Variants in AGPAT3 observed in about 807,000 individuals in gnomAD.
The protein encoded by AGPAT3 is 1-acylglycerol-3-phosphate O-acyltransferase 3.
AGPAT3 carries 5 observed loss-of-function variants against 47.3 expected under a neutral mutation model. The observed-to-expected ratio is 0.11, with a 90% CI of 0.06 to 0.22. The LOEUF is 0.22. Ranked by LOEUF, AGPAT3 falls within the 10% of genes least tolerant of loss-of-function variation. The probability of loss-of-function intolerance (pLI) is 1.00; values close to 1 mark genes in which losing one functional copy is unlikely to be tolerated. For synonymous variants in AGPAT3, 212 were observed against 208.3 expected, an observed-to-expected ratio of 1.02 and a Z score of -0.15; for missense variants, 315 against 493.0, an observed-to-expected ratio of 0.64 and a Z score of 3.42.
In AGPAT3 at chr21:43,955,372, G is replaced by A. The variant is rs550271181; in HGVS notation, c.-48-4262G>A. ...GGCTTAGCTTGTCAACACCCATAAC[G>A]CTATGCACGGACACTCGGCAAACCC... On this transcript the variant is annotated intron_variant, in intron 2 of 9. Transcript: ENST00000291572. This position sits in a 1 kb window ranked among gnomAD's most constrained non-coding sequence, Gnocchi z 4.1. The A allele has an allele frequency of 3.4e-5, 13 of 383,014 alleles. No homozygotes were observed. Among genetic ancestry groups the A allele is most frequent in the South Asian group, 7.3e-5 (2 of 27,464 alleles). 23.7% of individuals were successfully genotyped at this position (383,014 alleles called of 1,614,324 possible).
intron 2 of AGPAT3, among the ~76,000 whole-genome samples, chr21:43,904,886 C>T (rs2086452035): frequency 5.3e-5 from 8 of 152,164 alleles, no homozygotes. Flanking sequence ...TGTTCCAAGG[C>T]TTCCAGGTGT....
intron 1 of AGPAT3, among the ~76,000 whole-genome samples, chr21:43,896,935 G>T (rs2145969978): frequency 1.8e-5 from 2 of 112,502 alleles, no homozygotes; most frequent in Non-Finnish European, 1.8e-5. Flanking sequence ...ATTGAAGTTT[G>T]ACAGTCCGTT....
intron 2 of AGPAT3, among the ~76,000 whole-genome samples, chr21:43,938,095 C>G (rs1362602554): frequency 7.0e-6 from 1 of 143,510 alleles, no homozygotes; most frequent in Non-Finnish European, 1.5e-5. Flanking sequence ...TTCTCTCTCT[C>G]TCTCTCTCTC....
intron 7 of AGPAT3, among the ~76,000 whole-genome samples, chr21:43,975,041 G>A (rs542358594): frequency 6.6e-6 from 1 of 152,110 alleles, no homozygotes; most frequent in African/African-American, 2.4e-5. Context: ...TTGCTGATGT[G>A]TGTGTTGTGC....
intron 2 of AGPAT3, among the ~76,000 whole-genome samples, chr21:43,905,099 C>T (rs1401688331): frequency 6.6e-6 from 1 of 151,928 alleles, no homozygotes; most frequent in Non-Finnish European, 1.5e-5. Context: ...GTGCTGAATG[C>T]CTCCATAGTT....
intron 1 of AGPAT3, among the ~76,000 whole-genome samples, chr21:43,895,824 T>A (rs1339632621): frequency 6.6e-6 from 1 of 152,182 alleles, no homozygotes; most frequent in African/African-American, 2.4e-5. Context: ...CGGAGTGCAA[T>A]GGCACAGTCT....
chr21:43,883,302 T>G (rs1239398431), intron 1 of AGPAT3, among the ~76,000 whole-genome samples: 1 of 152,228 alleles, frequency 6.6e-6, no homozygotes, highest in Non-Finnish European at 1.5e-5. Flanking sequence ...TGCTGTGGCC[T>G]CCTGCCCACT....
At chr21:43,926,912 G>A (rs2087073700) in intron 2 of AGPAT3, among the ~76,000 whole-genome samples, 1 of 150,248 alleles carries the variant, frequency 6.7e-6, no homozygotes, top group Admixed American at 6.6e-5. Flanking sequence ...CCAGGAGGTG[G>A]AGGTTGCAGT....
intron 8 of AGPAT3, among the ~76,000 whole-genome samples, chr21:43,979,563 T>C (rs2089766970): frequency 6.6e-6 from 1 of 152,090 alleles, no homozygotes; most frequent in Non-Finnish European, 1.5e-5. Context: ...CCTCTAAGAA[T>C]TGGACCCTCA....
In AGPAT3 at chr21:43,981,056, G is replaced by T; in HGVS notation, c.911G>T (p.Arg304Met). The change falls in exon 9 of 10, where the codon AGG (arginine) becomes ATG (methionine). Residue 304 changes from arginine to methionine, a missense_variant. Arg to Met is a moderately conservative substitution (Grantham distance 91, BLOSUM62 -1). Coordinates refer to ENST00000291572, the MANE Select transcript of AGPAT3 (RefSeq NM_020132.5). This position sits in a 1 kb window ranked among gnomAD's most constrained non-coding sequence, Gnocchi z 5.3. ...FPGEQFKPAR[R>M]PWTLLNFLSW... The stretch of plus-strand genomic sequence containing the variant: ...GGGGAGCAGTTTAAGCCTGCCCGGA[G>T]GCCGTGGACCCTCCTGAACTTCCTG... 1 of 1,614,200 alleles carries T rather than the reference G, an allele frequency of 6.2e-7. No individual in the cohort carries two copies. The highest frequency in any genetic ancestry group is 8.5e-7 in the Non-Finnish European group (1 of 1,180,038).
At chr21:43,901,705 G>A (rs2086361747) in intron 1 of AGPAT3, among the ~76,000 whole-genome samples, 1 of 151,664 alleles carries the variant, frequency 6.6e-6, no homozygotes, top group Non-Finnish European at 1.5e-5. Flanking sequence ...GCCCAGGAAG[G>A]TTGAGGCTGC....
intron 3 of AGPAT3, 42 bp downstream of exon 3, chr21:43,959,901 G>C: frequency 6.4e-7 from 1 of 1,559,790 alleles, no homozygotes; most frequent in South Asian, 1.1e-5. Context: ...TGGGGCTCCC[G>C]TGGGGGTGGC....
intron 1 of AGPAT3, among the ~76,000 whole-genome samples, chr21:43,877,844 C>T (rs1463495420): frequency 6.6e-6 from 1 of 152,136 alleles, no homozygotes; most frequent in African/African-American, 2.4e-5. Flanking sequence ...TATCTTCTGT[C>T]TCCACTGGTG....
chr21:43,913,736 C>T (rs1185353456), intron 2 of AGPAT3, among the ~76,000 whole-genome samples: 1 of 152,142 alleles, frequency 6.6e-6, no homozygotes, highest in East Asian at 1.9e-4. Context: ...ACAGTCACTC[C>T]TGCATCAAAT....
At chr21:43,886,881 T>G (rs1366428857) in intron 1 of AGPAT3, among the ~76,000 whole-genome samples, 4 of 152,234 alleles carry the variant, frequency 2.6e-5, no homozygotes, top group Non-Finnish European at 4.4e-5. Context: ...AAATCTTGGT[T>G]CTTATGAACA....
chr21:43,911,313 T>C (rs2086627920), intron 2 of AGPAT3, among the ~76,000 whole-genome samples: 1 of 152,218 alleles, frequency 6.6e-6, no homozygotes, highest in African/African-American at 2.4e-5. Flanking sequence ...AGTTACCTGA[T>C]TATCAGTCTA....
intron 2 of AGPAT3, among the ~76,000 whole-genome samples, chr21:43,942,129 G>A (rs1291540170): frequency 6.6e-6 from 1 of 152,274 alleles, no homozygotes; most frequent in Admixed American, 6.5e-5. Flanking sequence ...ACCCACAGGT[G>A]CCATTTAGTG....
rs369984529 is a variant in AGPAT3, at chr21:43,982,895, G to C, written c.*503G>C. Reference sequence around the variant, plus strand: ...CTCAGCACCTTGGCTCCCAGTGGGGGCCCCGTGGAGGGCGCCCGTAGTGAT... The same window carrying C: ...CTCAGCACCTTGGCTCCCAGTGGGGCCCCCGTGGAGGGCGCCCGTAGTGAT... On this transcript the variant is annotated 3_prime_UTR_variant, in exon 10 of 10. Transcript: ENST00000291572. This position sits in a 1 kb window ranked among gnomAD's most constrained non-coding sequence, Gnocchi z 6.2. 2 of 155,206 alleles carry C rather than the reference G, an allele frequency of 1.3e-5. No individual in the cohort carries two copies. The highest frequency in any genetic ancestry group is 2.8e-5 in the Non-Finnish European group (2 of 70,386). 9.6% of individuals were successfully genotyped at this position (155,206 alleles called of 1,614,324 possible). A position where few individuals can be genotyped will look rare whatever the true frequency, so the allele number is the denominator to read the frequency against.
At chr21:43,956,043 C>T (rs2088443597) in intron 2 of AGPAT3, among the ~76,000 whole-genome samples, 1 of 152,182 alleles carries the variant, frequency 6.6e-6, no homozygotes, top group Non-Finnish European at 1.5e-5. Flanking sequence ...GACCCTGGTT[C>T]TTCTGGGCCA....
Sources: gnomAD v4.1 joint callset for allele counts (sites outside exome capture counted in the v4.1 genomes callset) on GRCh38, gnomAD v4.1.1 for gene constraint, Gnocchi (gnomAD v3.1) non-coding constraint, MANE v1.5 for transcripts, NCBI Gene and HGNC (gene_info 2026-07-23, HGNC 2026-07-21) for gene names.